The following VAMP7 variants were observed in gnomAD, a reference collection of about 807,000 sequenced individuals.
The protein encoded by VAMP7 is vesicle associated membrane protein 7, also known as vesicle-associated membrane protein 7.
A neutral mutation model predicts 29.6 loss-of-function variants in VAMP7; 14 were observed. The ratio of observed to expected loss-of-function variants is 0.47; its 90% CI spans 0.31 to 0.74. VAMP7 has a LOEUF of 0.74. Ranked by LOEUF, VAMP7 falls within the 30% of genes least tolerant of loss-of-function variation. The probability of loss-of-function intolerance (pLI) is 0.05; values close to 1 mark genes in which losing one functional copy is unlikely to be tolerated. For missense variants in VAMP7, 223 were observed against 262.4 expected (o/e 0.85, Z 1.04); for synonymous variants, 95 against 88.1 (o/e 1.08, Z -0.44).
intron 5 of VAMP7, 45 bp from the exon 6 acceptor site, chrX:155,919,768 C>G (rs762691936): frequency 1.3e-6 from 2 of 1,534,564 alleles, no homozygotes; most frequent in South Asian, 2.3e-5. Flanking sequence ...TTATTTTATT[C>G]TACAATGGAA....
intron 5 of VAMP7, among the ~76,000 whole-genome samples, chrX:155,913,766 G>A (rs1265517556): frequency 6.6e-6 from 1 of 152,084 alleles, no homozygotes; most frequent in Non-Finnish European, 1.5e-5. Context: ...TGCTGTTTTG[G>A]TTACTGTAGC....
intron 5 of VAMP7, among the ~76,000 whole-genome samples, chrX:155,901,169 G>A (rs759957570): frequency 6.6e-6 from 1 of 152,058 alleles, no homozygotes; most frequent in South Asian, 2.1e-4. Flanking sequence ...TGCCTATTAT[G>A]TTTTTCTTAT....
intron 5 of VAMP7, among the ~76,000 whole-genome samples, chrX:155,908,002 G>A (rs1168082648): frequency 1.3e-5 from 2 of 152,128 alleles, no homozygotes; most frequent in East Asian, 3.9e-4. Context: ...AGATGGGATG[G>A]CGGCTGGGCA....
intron 7 of VAMP7, among the ~76,000 whole-genome samples, chrX:155,941,117 C>G (rs1404265428): frequency 1.3e-5 from 2 of 151,782 alleles, no homozygotes; most frequent in Non-Finnish European, 2.9e-5. Context: ...TTGAAGCCAG[C>G]CTGGTCAACA....
intron 7 of VAMP7, 120 bp from the exon 8 acceptor site, chrX:155,941,763 A>G: frequency 1.7e-6 from 2 of 1,195,832 alleles, no homozygotes; most frequent in Admixed American, 2.8e-5. Context: ...CCATTACTAC[A>G]TAACTGCTAC....
intron 5 of VAMP7, among the ~76,000 whole-genome samples, chrX:155,902,228 G>C (rs1457076112): frequency 6.6e-6 from 1 of 151,952 alleles, no homozygotes; most frequent in East Asian, 1.9e-4. Context: ...TGTATCCTGA[G>C]ACTTTGCTGA....
At chrX:155,882,863 C>CTTTTCT (rs2065819905) in intron 1 of VAMP7, among the ~76,000 whole-genome samples, 1 of 152,096 alleles carries the variant, frequency 6.6e-6, no homozygotes, top group Non-Finnish European at 1.5e-5. Context: ...GTAAAATAGA[C>CTTTTCT]ACTTTGACCT....
intron 6 of VAMP7, among the ~76,000 whole-genome samples, chrX:155,924,295 G>T (rs2066438478): frequency 6.6e-6 from 1 of 152,116 alleles, no homozygotes; most frequent in East Asian, 1.9e-4. Context: ...AATATGTATA[G>T]CATAAAATTT....
At chrX:155,906,685 C>A (rs6642372) in intron 5 of VAMP7, among the ~76,000 whole-genome samples, 98,356 of 151,960 alleles carry the variant, frequency 0.65, 32,313 homozygotes, top group African/African-American at 0.77. Context: ...CCTTGTTCTC[C>A]TTTATTAGTT....
intron 2 of VAMP7, among the ~76,000 whole-genome samples, 154 bp from the exon 3 acceptor site, chrX:155,895,469 G>T (rs776209314): frequency 6.6e-6 from 1 of 152,226 alleles, no homozygotes; most frequent in Admixed American, 6.5e-5. Flanking sequence ...GAAAGAAACA[G>T]GTATATTGGG....
At position 155,898,854 on chromosome X, in the gene VAMP7, T is replaced by C. The variant is rs369803538; in HGVS notation, c.342+605T>C. On this transcript the variant is annotated intron_variant, in intron 4 of 7. Coordinates refer to ENST00000286448, the MANE Select transcript of VAMP7 (RefSeq NM_005638.6). Reference sequence around the variant, plus strand: ...TGTCTTTCATAGAACTTTCTGTAAATAGAATCATACAGTATGTAAACTTTC... The same window carrying C: ...TGTCTTTCATAGAACTTTCTGTAAACAGAATCATACAGTATGTAAACTTTC... Among the ~76,000 whole-genome samples, 22 of 152,242 alleles carry C rather than the reference T, an allele frequency of 1.4e-4. 1 individual carries two copies. In the East Asian group the frequency reaches 4.2e-3, roughly 29 times the overall value.
intron 1 of VAMP7, among the ~76,000 whole-genome samples, chrX:155,883,687 T>G (rs1422325625): frequency 6.6e-6 from 1 of 151,630 alleles, no homozygotes; most frequent in Admixed American, 6.6e-5. Flanking sequence ...TCATTTGGTT[T>G]CTACTTGGTA....
rs374347803 is a variant in VAMP7 at position 155,934,772 on chromosome X, G to C, written c.502-4929G>C. Among the ~76,000 whole-genome samples, 83 of 152,268 alleles carry C rather than the reference G, an allele frequency of 5.5e-4. No individual in the cohort carries two copies. In the East Asian group the frequency reaches 7.3e-3, roughly 13 times the overall value. The stretch of plus-strand genomic sequence containing the variant: ...TGCTAGCTGGTTATTTTGCTCGTTA[G>C]TTGATGCAGTTTCTTCCTAGCCTTG... On this transcript the variant is annotated intron_variant, in intron 6 of 7. Transcript: ENST00000286448.
chrX:155,909,940 G>A (rs1219036302), intron 5 of VAMP7, among the ~76,000 whole-genome samples: 1 of 152,198 alleles, frequency 6.6e-6, no homozygotes, highest in African/African-American at 2.4e-5. Context: ...ATTTCTGTGT[G>A]ATGGGAACAT....
At chrX:155,934,759 A>T (rs1185541921) in intron 6 of VAMP7, among the ~76,000 whole-genome samples, 1 of 151,968 alleles carries the variant, frequency 6.6e-6, no homozygotes, top group Admixed American at 6.6e-5. Flanking sequence ...CTAGCTGGTT[A>T]TTTTGCTCGT....
At chrX:155,901,656 A>C (rs1185478072) in intron 5 of VAMP7, among the ~76,000 whole-genome samples, 1 of 152,050 alleles carries the variant, frequency 6.6e-6, no homozygotes, top group Non-Finnish European at 1.5e-5. Flanking sequence ...TGTTTTTCTT[A>C]GGTTTGTCAA....
At chrX:155,901,247 A>T (rs1245260887) in intron 5 of VAMP7, among the ~76,000 whole-genome samples, 1 of 152,092 alleles carries the variant, frequency 6.6e-6, no homozygotes, top group Non-Finnish European at 1.5e-5. Context: ...GTGGTTCTTG[A>T]TATGTACGTC....
At chrX:155,893,929 G>A (rs2065954484) in intron 2 of VAMP7, among the ~76,000 whole-genome samples, 1 of 152,244 alleles carries the variant, frequency 6.6e-6, no homozygotes, top group Non-Finnish European at 1.5e-5. Context: ...ACTGGATATG[G>A]CAATGTGGAA....
intron 6 of VAMP7, among the ~76,000 whole-genome samples, chrX:155,924,213 C>A (rs769874822): frequency 1.1e-4 from 16 of 152,170 alleles, no homozygotes; most frequent in African/African-American, 2.6e-4. Context: ...AACTCACAGA[C>A]CATACAAATT....
Sources: gnomAD v4.1 joint callset for allele counts (sites outside exome capture counted in the v4.1 genomes callset) on GRCh38, gnomAD v4.1.1 for gene constraint, MANE v1.5 for transcripts, NCBI Gene and HGNC (gene_info 2026-07-23, HGNC 2026-07-21) for gene names.